PARD3B: variants seen among roughly 807,000 people sequenced by gnomAD.
The protein encoded by PARD3B is par-3 family cell polarity regulator beta, also known as partitioning defective 3 homolog B.
In PARD3B, 103 loss-of-function variants were observed where a neutral mutation model predicts 130.2. The observed-to-expected ratio is 0.79, with a 90% CI of 0.67 to 0.93. The LOEUF is 0.93. Ranked by LOEUF, PARD3B falls within the 40% of genes least tolerant of loss-of-function variation. The pLI is 0.00. For missense variants in PARD3B, 1,609 were observed against 1,499.2 expected (o/e 1.07, Z -1.21); for synonymous variants, 583 against 553.2 (o/e 1.05, Z -0.76).
chr2:205,057,979 C>A (rs944124145), intron 4 of PARD3B, among the ~76,000 whole-genome samples: 1 of 151,650 alleles, frequency 6.6e-6, no homozygotes, highest in Admixed American at 6.6e-5. Context: ...AGTACATTCA[C>A]ATTGTTCTGC....
rs560137741 is a variant in PARD3B at position 205,401,119 on chromosome 2, G to T, written c.2737G>T (p.Glu913Ter). 1.3e-6 allele frequency: 2 copies of T among 1,589,060 alleles called. No homozygotes were observed. Among genetic ancestry groups the T allele is most frequent in the African/African-American group, 1.3e-5 (1 of 74,788 alleles). Residue 913 changes from glutamate (E) to a stop codon, truncating the protein, a stop_gained, in exon 19 of 23, where the codon GAA (glutamate) becomes TAA (stop). Transcript: ENST00000406610. LOFTEE classifies it high-confidence loss of function. ...EELEKMKEER[E>*]RIGAKHQELR... Reference sequence around the variant, plus strand: ...GCTGGAGAAAATGAAAGAAGAGCGTGAAAGGTGAGCAGAAGTGCCGAGACC... The same window carrying T: ...GCTGGAGAAAATGAAAGAAGAGCGTTAAAGGTGAGCAGAAGTGCCGAGACC...
chr2:204,704,632 C>T (rs2038050866), intron 2 of PARD3B, among the ~76,000 whole-genome samples: 1 of 152,134 alleles, frequency 6.6e-6, no homozygotes, highest in South Asian at 2.1e-4. Flanking sequence ...TTGAGATGCA[C>T]TTGCCTGTTA....
intron 3 of PARD3B, among the ~76,000 whole-genome samples, chr2:204,998,506 A>G (rs573241803): frequency 2.1e-5 from 2 of 93,522 alleles, no homozygotes; most frequent in African/African-American, 7.5e-5. Flanking sequence ...ATATATGTGT[A>G]TATATATATG....
At chr2:205,132,898 G>C (rs1003964030) in intron 10 of PARD3B, among the ~76,000 whole-genome samples, 1 of 152,118 alleles carries the variant, frequency 6.6e-6, no homozygotes, top group African/African-American at 2.4e-5. Context: ...CTAGAGCATA[G>C]TGTATGCTCA....
chr2:204,958,363 A>G (rs1221153988), intron 2 of PARD3B, among the ~76,000 whole-genome samples: 2 of 152,200 alleles, frequency 1.3e-5, no homozygotes, highest in African/African-American at 2.4e-5. Flanking sequence ...GCATTGGTAT[A>G]TTGCTTCAAG....
At chr2:205,552,262 A>G (rs2052678702) in intron 21 of PARD3B, among the ~76,000 whole-genome samples, 1 of 151,364 alleles carries the variant, frequency 6.6e-6, no homozygotes, top group Non-Finnish European at 1.5e-5. Context: ...ACAGTTCATC[A>G]CTTATGGGTG....
intron 18 of PARD3B, among the ~76,000 whole-genome samples, chr2:205,387,622 TAACCTTCCAA>T (rs2045708053): frequency 6.6e-6 from 1 of 152,182 alleles, no homozygotes; most frequent in South Asian, 2.1e-4. Context: ...AGTTTCCAAA[TAACCTTCCAA>T]AATGAAAAGC....
chr2:204,703,983 A>C (rs576288087), intron 2 of PARD3B, among the ~76,000 whole-genome samples: 1 of 152,276 alleles, frequency 6.6e-6, no homozygotes, highest in Admixed American at 6.5e-5. Flanking sequence ...TGAAGTATAC[A>C]TTTAGGAAAT....
At chr2:205,520,141 T>G (rs1040526396) in intron 21 of PARD3B, among the ~76,000 whole-genome samples, 4 of 152,188 alleles carry the variant, frequency 2.6e-5, no homozygotes, top group Admixed American at 2.6e-4. Flanking sequence ...GTAGTGATTG[T>G]GGCCAAGGGT....
intron 19 of PARD3B, among the ~76,000 whole-genome samples, chr2:205,431,267 G>C (rs1428986369): frequency 6.6e-6 from 1 of 152,056 alleles, no homozygotes; most frequent in Admixed American, 6.5e-5. Context: ...AGTAGAGATG[G>C]GGTTTCACCA....
chr2:204,987,724 TTG>T (rs1693288084), intron 3 of PARD3B, among the ~76,000 whole-genome samples: 1 of 152,240 alleles, frequency 6.6e-6, no homozygotes, highest in Non-Finnish European at 1.5e-5. Flanking sequence ...GGACTTTTCA[TTG>T]TCTTTCAAGT....
intron 22 of PARD3B, among the ~76,000 whole-genome samples, chr2:205,608,948 T>A (rs2055122772): frequency 6.6e-6 from 1 of 152,236 alleles, no homozygotes; most frequent in Admixed American, 6.5e-5. Context: ...CATCTGCTGC[T>A]GCACACTCCA....
At chr2:204,793,181 T>C (rs532605245) in intron 2 of PARD3B, among the ~76,000 whole-genome samples, 2 of 152,306 alleles carry the variant, frequency 1.3e-5, no homozygotes, top group East Asian at 3.9e-4. Flanking sequence ...TTTTTCTCTT[T>C]TTTTTCCTCT....
intron 2 of PARD3B, among the ~76,000 whole-genome samples, chr2:204,891,502 T>C (rs1045231121): frequency 6.6e-6 from 1 of 152,226 alleles, no homozygotes; most frequent in Non-Finnish European, 1.5e-5. Context: ...TCTTGCATAG[T>C]GTATGGCATT....
At chr2:204,709,875 T>C (rs962565601) in intron 2 of PARD3B, among the ~76,000 whole-genome samples, 1 of 152,236 alleles carries the variant, frequency 6.6e-6, no homozygotes, top group African/African-American at 2.4e-5. Flanking sequence ...TTATTAACTT[T>C]AAAGGACTTT....
rs140710150 is a variant in PARD3B, at chr2:204,657,754, C to T, written c.121-28427C>T. Among the ~76,000 whole-genome samples, 7 of 152,222 alleles carry T rather than the reference C, an allele frequency of 4.6e-5. No homozygotes were observed. In the South Asian group the frequency reaches 6.2e-4, roughly 14 times the overall value. On this transcript the variant is annotated intron_variant, in intron 1 of 22. Transcript: ENST00000406610. ...AATAGCAAAATGAATTGAAATACTT[C>T]TTTACTTAATTTTAAATAGTATGTA...
intron 18 of PARD3B, among the ~76,000 whole-genome samples, chr2:205,372,857 T>C (rs923185565): frequency 2.6e-5 from 4 of 152,118 alleles, no homozygotes; most frequent in Admixed American, 6.5e-5. Flanking sequence ...CATGAGCCTG[T>C]AAGCCCAGCT....
At chr2:205,007,369 G>T (rs1171878726) in intron 3 of PARD3B, among the ~76,000 whole-genome samples, 2 of 152,176 alleles carry the variant, frequency 1.3e-5, no homozygotes, top group African/African-American at 2.4e-5. Context: ...TTTTGGATAG[G>T]ATGAGAGATG....
At chr2:205,449,166 CAAAAA>C (rs757916003) in intron 20 of PARD3B, among the ~76,000 whole-genome samples, 1,220 of 50,206 alleles carry the variant, frequency 0.024, 19 homozygotes, top group African/African-American at 0.083. Context: ...AACTCCATCT[CAAAAA>C]AAAAAAAAAA....
Sources: gnomAD v4.1 joint callset for allele counts (sites outside exome capture counted in the v4.1 genomes callset) on GRCh38, gnomAD v4.1.1 for gene constraint, MANE v1.5 for transcripts, NCBI Gene and HGNC (gene_info 2026-07-23, HGNC 2026-07-21) for gene names.